Variants in GCSAML observed in about 807,000 individuals in gnomAD.
GCSAML encodes the protein germinal center-associated signaling and motility-like protein.
In GCSAML, 9 loss-of-function variants were observed where a neutral mutation model predicts 13.0. That is an observed-to-expected ratio of 0.69 (90% confidence interval 0.42 to 1.21). GCSAML has a LOEUF of 1.21. Ranked by LOEUF, GCSAML falls within the 50% of genes most tolerant of loss-of-function variation. The pLI, the probability that GCSAML is intolerant of heterozygous loss-of-function variation, is 0.00. For synonymous variants in GCSAML, 37 were observed against 52.9 expected, an observed-to-expected ratio of 0.70 and a Z score of 1.31; for missense variants, 143 against 153.4, an observed-to-expected ratio of 0.93 and a Z score of 0.36.
At chr1:247,549,064 T>G (rs755578359), upstream of GCSAML, 1 of 1,601,788 alleles carries the variant, frequency 6.2e-7, no homozygotes, top group Admixed American at 1.7e-5. Context: ...AGCTCGTGGT[T>G]GGCAAGAGCA....
intron 4 of GCSAML, among the ~76,000 whole-genome samples, chr1:247,568,408 CT>C (rs2103069554): frequency 6.6e-6 from 1 of 152,208 alleles, no homozygotes; most frequent in African/African-American, 2.4e-5. Flanking sequence ...GCCAGTTTTC[CT>C]AACATCATTT....
intron 1 of GCSAML, chr1:247,525,050 T>G (rs527682654): frequency 2.0e-5 from 3 of 152,240 alleles, no homozygotes; most frequent in Non-Finnish European, 4.4e-5. Flanking sequence ...TGAGAATATA[T>G]GCCTTTGTAC....
At chr1:247,520,659 C>CT (rs943692254) in intron 1 of GCSAML, among the ~76,000 whole-genome samples, 3 of 151,794 alleles carry the variant, frequency 2.0e-5, no homozygotes, top group East Asian at 1.9e-4. Flanking sequence ...ACGTTTTTGC[C>CT]TTTTTTTTAC....
chr1:247,518,682 T>G (rs1445858143), intron 1 of GCSAML: 2 of 152,386 alleles, frequency 1.3e-5, no homozygotes, highest in Admixed American at 1.3e-4. Flanking sequence ...CACTGCACAA[T>G]GGCATCCATT....
intron 2 of GCSAML, chr1:247,536,356 G>A (rs949130587): frequency 4.6e-5 from 7 of 152,302 alleles, no homozygotes; most frequent in Admixed American, 6.5e-5. Context: ...GGTAGCAGAC[G>A]TGTTAGATTC....
At chr1:247,513,559 A>C (rs1666112127) in intron 1 of GCSAML, among the ~76,000 whole-genome samples, 1 of 152,216 alleles carries the variant, frequency 6.6e-6, no homozygotes, top group Non-Finnish European at 1.5e-5. Context: ...TGTGTATGGA[A>C]AAAGACTCCT....
chr1:247,570,524 A>C lies in GCSAML; in HGVS notation c.169-3619A>C, dbSNP rs112970853. Among the ~76,000 whole-genome samples the C allele has an allele frequency of 5.3e-3, 807 of 152,206 alleles. 7 individuals carry two copies. The highest frequency in any genetic ancestry group is 0.018 in the African/African-American group (748 of 41,538). On this transcript the variant is annotated intron_variant, in intron 4 of 4. Transcript: ENST00000366488. The stretch of plus-strand genomic sequence containing the variant: ...CCATGTAGTTTTGCGGTTTTGAGTG[A>C]GTTTCTTAATCCTGAGTTCTAATTT...
chr1:247,531,297 A>T (rs1666941699), intron 2 of GCSAML: 2 of 504,022 alleles, frequency 4.0e-6, no homozygotes, highest in Non-Finnish European at 7.0e-6. Context: ...AGGAGTTTAC[A>T]AAACAAGATG....
intron 4 of GCSAML, among the ~76,000 whole-genome samples, chr1:247,569,701 C>T (rs534546432): frequency 6.6e-6 from 1 of 152,256 alleles, no homozygotes; most frequent in African/African-American, 2.4e-5. Context: ...GTTTTCATAT[C>T]AGGGTGATGC....
intron 2 of GCSAML, among the ~76,000 whole-genome samples, chr1:247,562,548 G>T (rs190631054): frequency 6.6e-6 from 1 of 152,294 alleles, no homozygotes; most frequent in Non-Finnish European, 1.5e-5. Flanking sequence ...AGTGATTGTG[G>T]CATGTCGTTT....
In GCSAML at chr1:247,574,248, A is replaced by G. The variant is rs1312285292; in HGVS notation, c.274A>G (p.Ile92Val). The G allele has an allele frequency of 1.9e-6, 3 of 1,614,010 alleles. No homozygotes were observed. The highest frequency in any genetic ancestry group is 2.5e-6 in the Non-Finnish European group (3 of 1,180,016). ...LSSNDDGYEN[I>V]DSLTRKVRQF... ...CTCCAATGATGATGGCTATGAGAACATTGACTCCCTCACAAGGAAAGTGAG... is the reference window on the plus strand; with the variant it reads ...CTCCAATGATGATGGCTATGAGAACGTTGACTCCCTCACAAGGAAAGTGAG... Residue 92 changes from isoleucine (I) to valine (V), a missense_variant, in exon 5 of 5, where the codon ATT becomes GTT. Coordinates refer to ENST00000366488, the MANE Select transcript of GCSAML (RefSeq NM_145278.5).
intron 1 of GCSAML, among the ~76,000 whole-genome samples, chr1:247,515,971 G>A (rs887196044): frequency 1.3e-5 from 2 of 152,194 alleles, no homozygotes; most frequent in African/African-American, 2.4e-5. Context: ...TGTTGGTTGA[G>A]GGGGGAGGAG....
chr1:247,524,475 G>A (rs73146555), intron 1 of GCSAML, among the ~76,000 whole-genome samples: 3,700 of 152,222 alleles, frequency 0.024, 149 homozygotes, highest in African/African-American at 0.084. Flanking sequence ...GCAGTTGATC[G>A]TATCTCTTAA....
chr1:247,553,005 C>T lies in GCSAML; in HGVS notation c.30-3402C>T, dbSNP rs966956595. ...TCCTGACCTTGTGATCTACCTGCCTCGGCCTCCTAAAGTGCTGGGATTACA... is the reference window on the plus strand; with the variant it reads ...TCCTGACCTTGTGATCTACCTGCCTTGGCCTCCTAAAGTGCTGGGATTACA... On this transcript the variant is annotated intron_variant, in intron 1 of 4. Transcript: ENST00000366488. Among the ~76,000 whole-genome samples, 10 of 152,156 alleles carry T rather than the reference C, an allele frequency of 6.6e-5. No homozygotes were observed. The South Asian group carries it at 1.4e-3, about 22-fold the overall frequency.
chr1:247,545,772 C>A (rs1283411595), upstream of GCSAML, among the ~76,000 whole-genome samples: 1 of 152,138 alleles, frequency 6.6e-6, no homozygotes, highest in Admixed American at 6.5e-5. Context: ...GTGTGAGTTC[C>A]TTAAATTTTT....
intron 2 of GCSAML, chr1:247,528,860 T>C (rs914953543): frequency 1.3e-5 from 2 of 152,132 alleles, no homozygotes; most frequent in African/African-American, 4.8e-5. Context: ...ATCATGAAGA[T>C]ATCTGTCTGA....
chr1:247,515,759 A>G (rs528368461), intron 1 of GCSAML, among the ~76,000 whole-genome samples: 4 of 152,294 alleles, frequency 2.6e-5, no homozygotes, highest in Admixed American at 6.5e-5. Flanking sequence ...TATCATGAGA[A>G]CAGCAAGGAA....
Position 247,576,743 on chromosome 1 carries a change from A to G in GCSAML, c.*2361A>G, listed in dbSNP as rs1288925942. The G allele has an allele frequency of 2.0e-5, 3 of 152,290 alleles. No homozygotes were observed. The highest frequency in any genetic ancestry group is 4.4e-5 in the Non-Finnish European group (3 of 68,028). 9.4% of individuals were successfully genotyped at this position (152,290 alleles called of 1,614,324 possible). On this transcript the variant is annotated 3_prime_UTR_variant, in exon 5 of 5. Transcript: ENST00000366488. The stretch of plus-strand genomic sequence containing the variant: ...GTGGTGATTTTAATGTGCGGAAGGG[A>G]AACAATAGAAATTTTGCAATTCTAG...
chr1:247,562,037 A>G (rs1446718272), intron 2 of GCSAML, among the ~76,000 whole-genome samples: 1 of 152,154 alleles, frequency 6.6e-6, no homozygotes, highest in Non-Finnish European at 1.5e-5. Flanking sequence ...GGCAGGGGTA[A>G]ATTTCAGGAA....
Sources: gnomAD v4.1 joint callset for allele counts (sites outside exome capture counted in the v4.1 genomes callset) on GRCh38, gnomAD v4.1.1 for gene constraint, MANE v1.5 for transcripts, NCBI Gene and HGNC (gene_info 2026-07-23, HGNC 2026-07-21) for gene names.